C9: variants seen among roughly 807,000 people sequenced by gnomAD.
The protein encoded by C9 is complement component C9.
A neutral mutation model predicts 65.4 loss-of-function variants in C9; 63 were observed. That is an observed-to-expected ratio of 0.96 (90% CI 0.79 to 1.19). The LOEUF (loss-of-function observed/expected upper bound fraction) is 1.19. Among genes scored for constraint, C9 ranks in the 50% most tolerant of loss-of-function variants. The pLI, the probability that C9 is intolerant of heterozygous loss-of-function variation, is 0.00. For missense variants in C9, 744 were observed against 670.1 expected (o/e 1.11, Z -1.22); for synonymous variants, 229 against 227.9 (o/e 1.00, Z -0.04).
intron 9 of C9, among the ~76,000 whole-genome samples, chr5:39,303,214 A>C (rs696134): frequency 0.018 from 2,689 of 152,282 alleles, 95 homozygotes; most frequent in African/African-American, 0.062. Context: ...AAACTGTAGA[A>C]CCACTTGTGT....
intron 4 of C9, among the ~76,000 whole-genome samples, chr5:39,333,901 C>T (rs1027391798): frequency 3.9e-5 from 6 of 152,212 alleles, no homozygotes; most frequent in African/African-American, 1.2e-4. Context: ...GACAGAGTCT[C>T]GTTAACTCAG....
chr5:39,299,530 A>G (rs763760110), intron 9 of C9, among the ~76,000 whole-genome samples: 2 of 152,180 alleles, frequency 1.3e-5, no homozygotes, highest in Non-Finnish European at 2.9e-5. Flanking sequence ...AACTACTCAT[A>G]CATACAAGAA....
chr5:39,305,713 T>G (rs181400676), intron 9 of C9, among the ~76,000 whole-genome samples: 19 of 152,274 alleles, frequency 1.2e-4, no homozygotes, highest in African/African-American at 4.3e-4. Flanking sequence ...CATTTTTTTT[T>G]GTCTAGGAAT....
In C9 at chr5:39,342,442, C is replaced by T. The variant is rs1429586453; in HGVS notation, c.78-246G>A. Among the ~76,000 whole-genome samples the T allele has an allele frequency of 2.6e-5, 4 of 152,110 alleles. No individual in the cohort carries two copies. The East Asian group carries it at 5.8e-4, about 22-fold the overall frequency. On this transcript the variant is annotated intron_variant, in intron 1 of 10. Transcript: ENST00000263408. Reference sequence around the variant, plus strand: ...CCAGGAATGCAAATATTTGAAACAACAAAACAACGGCAATGAGGAAAACTA... The same window carrying T: ...CCAGGAATGCAAATATTTGAAACAATAAAACAACGGCAATGAGGAAAACTA...
intron 1 of C9, among the ~76,000 whole-genome samples, chr5:39,359,102 G>GTATATATATATATATATA (rs1157807681): frequency 0.014 from 1,441 of 103,440 alleles, 28 homozygotes; most frequent in Middle Eastern, 0.018. Context: ...GTGTGTGTGT[G>GTATATATATATATATATA]TATATATATA....
At chr5:39,304,971 A>G (rs1753347671) in intron 9 of C9, among the ~76,000 whole-genome samples, 1 of 152,096 alleles carries the variant, frequency 6.6e-6, no homozygotes, top group South Asian at 2.1e-4. Flanking sequence ...TATTATTAAG[A>G]CCTCTTCAGA....
intron 6 of C9, among the ~76,000 whole-genome samples, chr5:39,314,225 G>C (rs1280605150): frequency 6.6e-6 from 1 of 152,084 alleles, no homozygotes; most frequent in South Asian, 2.1e-4. Flanking sequence ...CGAGACGGGT[G>C]GATCACCTGA....
At chr5:39,302,012 G>A (rs1305133111) in intron 9 of C9, among the ~76,000 whole-genome samples, 2 of 151,974 alleles carry the variant, frequency 1.3e-5, no homozygotes, top group African/African-American at 4.8e-5. Context: ...TCAAAGGAAA[G>A]TCAAGGCCAG....
chr5:39,295,728 A>T (rs534882012), intron 9 of C9, among the ~76,000 whole-genome samples: 16 of 151,782 alleles, frequency 1.1e-4, no homozygotes, highest in Non-Finnish European at 1.6e-4. Flanking sequence ...TCTTAAACAA[A>T]CAACAACAAC....
chr5:39,364,475 C>G lies in C9; in HGVS notation c.-11G>C. On this transcript the variant is annotated 5_prime_UTR_variant, in exon 1 of 11. Transcript: ENST00000263408. ...CCGGCAGGCTGACATGCTGCTCTTGCTGGGTGGCTGCGAGTGGGGTGGCAG... is the reference window on the plus strand; with the variant it reads ...CCGGCAGGCTGACATGCTGCTCTTGGTGGGTGGCTGCGAGTGGGGTGGCAG... 1 of 1,585,400 alleles carries G rather than the reference C, an allele frequency of 6.3e-7. No individual in the cohort carries two copies. The highest frequency in any genetic ancestry group is 8.7e-7 in the Non-Finnish European group (1 of 1,155,506).
In C9 at chr5:39,315,762, T is replaced by C. The variant is rs775524568; in HGVS notation, c.870+13A>G. On this transcript the variant is annotated intron_variant, in intron 6 of 10. Coordinates refer to ENST00000263408, the MANE Select transcript of C9 (RefSeq NM_001737.5). Reference sequence around the variant, plus strand: ...AACCTTTCTATATTCCTATATTAACTGTTTTGTCTTACCTTCTTTGAAGAA... The same window carrying C: ...AACCTTTCTATATTCCTATATTAACCGTTTTGTCTTACCTTCTTTGAAGAA... 4 of 1,570,674 alleles carry C rather than the reference T, an allele frequency of 2.5e-6. No individual in the cohort carries two copies. Among genetic ancestry groups the C allele is most frequent in the East Asian group, 4.5e-5 (2 of 44,548 alleles).
intron 9 of C9, among the ~76,000 whole-genome samples, chr5:39,290,504 C>A (rs1282677380): frequency 6.6e-6 from 1 of 151,630 alleles, no homozygotes; most frequent in African/African-American, 2.4e-5. Flanking sequence ...ACCAAAAAAA[C>A]CCCACAAATT....
In C9 at chr5:39,288,833, G is replaced by A; in HGVS notation, c.1535C>T (p.Thr512Ile). 1 of 1,610,764 alleles carries A rather than the reference G, an allele frequency of 6.2e-7. No individual in the cohort carries two copies. The highest frequency in any genetic ancestry group is 8.5e-7 in the Non-Finnish European group (1 of 1,177,382). The change falls in exon 10 of 11, where the codon ACA (threonine) becomes ATA (isoleucine). Residue 512 changes from threonine (T) to isoleucine (I), a missense_variant. Thr to Ile is a moderately conservative substitution (Grantham distance 89). Coordinates refer to ENST00000263408, the MANE Select transcript of C9 (RefSeq NM_001737.5). ...INEFSVRKCH[T>I]CQNGGTVILM... ...AATCACTGTACCTCCATTTTGGCAT[G>A]TGTGGCATTTTCTTACACTAAATTC...
chr5:39,298,934 G>A (rs1345998772), intron 9 of C9, among the ~76,000 whole-genome samples: 1 of 151,696 alleles, frequency 6.6e-6, no homozygotes. Context: ...CTTATTAAAA[G>A]TGAAAAACCA....
Position 39,331,727 on chromosome 5 carries a change from G to A in C9, c.564C>T (p.Asn188=). The change falls in exon 5 of 11, where the codon AAC becomes AAT. Residue 188 remains asparagine, a synonymous_variant. Coordinates refer to ENST00000263408, the MANE Select transcript of C9 (RefSeq NM_001737.5). ...NGLCNRDRDG[N]TLTYYRRPWN... ...AAGGTCTTCGGTAGTATGTCAGAGT[G>A]TTTCCATCCCGATCCCGGTTACAGA... is the stretch of plus-strand genomic sequence containing the variant. 6.2e-7 allele frequency: 1 copy of A among 1,613,710 alleles called. No homozygotes were observed. The highest frequency in any genetic ancestry group is 8.5e-7 in the Non-Finnish European group (1 of 1,179,608).
chr5:39,360,166 A>T, intron 1 of C9, among the ~76,000 whole-genome samples: 1 of 152,218 alleles, frequency 6.6e-6, no homozygotes, highest in East Asian at 1.9e-4. Context: ...AGTTGCTAAC[A>T]TTTGTGAGTG....
chr5:39,338,038 A>G (rs1246137379), intron 4 of C9, among the ~76,000 whole-genome samples: 1 of 152,248 alleles, frequency 6.6e-6, no homozygotes, highest in East Asian at 1.9e-4. Context: ...GCTCCATATA[A>G]GAATACTGGA....
chr5:39,308,332 A>T lies in C9; in HGVS notation c.1138T>A (p.Cys380Ser). ...KGVELKDIKR[C>S]LGYHLDVSLA... is the part of the protein sequence containing the mutation. ...GATACATCCAGATGATACCCAAGGC[A>T]TCTCTTTATGTCTTTTAGTTCAACA... The change falls in exon 8 of 11, where the codon TGC (cysteine) becomes AGC (serine). Residue 380 changes from cysteine to serine, a missense_variant. Coordinates refer to ENST00000263408, the MANE Select transcript of C9 (RefSeq NM_001737.5). 3 of 1,600,642 alleles carry T rather than the reference A, an allele frequency of 1.9e-6. No homozygotes were observed. The highest frequency in any genetic ancestry group is 1.1e-5 in the South Asian group (1 of 90,802).
intron 4 of C9, among the ~76,000 whole-genome samples, chr5:39,338,253 G>A (rs1201460253): frequency 2.0e-5 from 3 of 152,190 alleles, no homozygotes; most frequent in African/African-American, 7.2e-5. Context: ...AAGTTAAGGT[G>A]TCGAAGTTAA....
Sources: allele counts gnomAD v4.1 joint callset (sites outside exome capture counted in the v4.1 genomes callset), GRCh38; gene constraint gnomAD v4.1.1; transcripts MANE v1.5; gene names NCBI Gene and HGNC (gene_info 2026-07-23, HGNC 2026-07-21).